The following CNTNAP2 variants were observed in gnomAD, a reference collection of about 807,000 sequenced individuals.
CNTNAP2 encodes the protein contactin-associated protein-like 2.
Under a neutral mutation model 155.2 loss-of-function variants are expected in CNTNAP2, and 98 were observed. The ratio of observed to expected loss-of-function variants is 0.63; its 90% CI spans 0.54 to 0.75. The LOEUF (loss-of-function observed/expected upper bound fraction) is 0.75. Among genes scored for constraint, CNTNAP2 ranks in the 30% least tolerant of loss-of-function variants. The pLI, the probability that CNTNAP2 is intolerant of heterozygous loss-of-function variation, is 0.00. For synonymous variants in CNTNAP2, 651 were observed against 631.2 expected, an observed-to-expected ratio of 1.03 and a Z score of -0.47; for missense variants, 1,727 against 1,688.1, an observed-to-expected ratio of 1.02 and a Z score of -0.40.
chr7:147,770,105 A>G (rs1274698645), intron 13 of CNTNAP2, among the ~76,000 whole-genome samples: 1 of 152,200 alleles, frequency 6.6e-6, no homozygotes, highest in Non-Finnish European at 1.5e-5. Context: ...ATTCTCATTG[A>G]GGTCAAGGTG....
At chr7:147,017,935 C>G (rs1232605844) in intron 3 of CNTNAP2, among the ~76,000 whole-genome samples, 1 of 151,922 alleles carries the variant, frequency 6.6e-6, no homozygotes, top group African/African-American at 2.4e-5. Context: ...TGTAACTGAG[C>G]CATCATTTCT....
chr7:146,509,763 T>A (rs1797439420), intron 1 of CNTNAP2, among the ~76,000 whole-genome samples: 1 of 152,118 alleles, frequency 6.6e-6, no homozygotes, highest in Non-Finnish European at 1.5e-5. Flanking sequence ...TGCTGCATCC[T>A]GCAGGGACTG....
At chr7:148,282,138 A>T (rs1447966340) in intron 21 of CNTNAP2, among the ~76,000 whole-genome samples, 1 of 152,150 alleles carries the variant, frequency 6.6e-6, no homozygotes, top group Non-Finnish European at 1.5e-5. Context: ...CGATATTTTC[A>T]ATATAATATA....
At chr7:147,422,337 G>C (rs1198465887) in intron 10 of CNTNAP2, among the ~76,000 whole-genome samples, 2 of 150,632 alleles carry the variant, frequency 1.3e-5, no homozygotes, top group South Asian at 4.2e-4. Flanking sequence ...GCTCTACCCT[G>C]AATTTATACA....
intron 3 of CNTNAP2, among the ~76,000 whole-genome samples, chr7:146,979,157 T>C (rs1257484588): frequency 6.6e-6 from 1 of 152,174 alleles, no homozygotes; most frequent in Non-Finnish European, 1.5e-5. Context: ...TCTCCTTAAC[T>C]CTTCTGTTCT....
chr7:147,885,102 A>G (rs1246340517), intron 13 of CNTNAP2, among the ~76,000 whole-genome samples: 1 of 152,236 alleles, frequency 6.6e-6, no homozygotes, highest in Non-Finnish European at 1.5e-5. Context: ...TGTTACTTTC[A>G]ATGGTAAAAA....
At chr7:148,096,888 A>G (rs1466839711) in intron 15 of CNTNAP2, among the ~76,000 whole-genome samples, 3 of 152,158 alleles carry the variant, frequency 2.0e-5, no homozygotes, top group Non-Finnish European at 4.4e-5. Context: ...ATCATTAGCC[A>G]ACCTGAGAGA....
chr7:147,053,388 C>T (rs1214534626), intron 4 of CNTNAP2, among the ~76,000 whole-genome samples: 1 of 152,000 alleles, frequency 6.6e-6, no homozygotes, highest in Non-Finnish European at 1.5e-5. Context: ...TTACAATTGA[C>T]TTTGTTCAGT....
chr7:146,939,483 C>A (rs1174546568), intron 3 of CNTNAP2, among the ~76,000 whole-genome samples: 1 of 152,134 alleles, frequency 6.6e-6, no homozygotes, highest in Non-Finnish European at 1.5e-5. Flanking sequence ...TCTGAAATAT[C>A]TTTTCCAGCA....
chr7:146,779,022 G>A (rs1802437431), intron 2 of CNTNAP2, among the ~76,000 whole-genome samples: 3 of 152,198 alleles, frequency 2.0e-5, no homozygotes, highest in African/African-American at 7.2e-5. Context: ...AAACTAGAGA[G>A]AAGAGGAGAG....
At chr7:146,944,883 A>G (rs910435556) in intron 3 of CNTNAP2, among the ~76,000 whole-genome samples, 11 of 151,838 alleles carry the variant, frequency 7.2e-5, no homozygotes, top group East Asian at 1.9e-4. Context: ...GTCTAAAAAA[A>G]AAAAAGAAAA....
intron 4 of CNTNAP2, among the ~76,000 whole-genome samples, chr7:147,065,515 T>C (rs997775841): frequency 1.3e-5 from 2 of 152,116 alleles, no homozygotes; most frequent in Non-Finnish European, 2.9e-5. Context: ...ACATTAGGAG[T>C]GGCTGTAGTT....
At chr7:147,275,875 G>A (rs925309421) in intron 8 of CNTNAP2, among the ~76,000 whole-genome samples, 1 of 151,934 alleles carries the variant, frequency 6.6e-6, no homozygotes, top group Non-Finnish European at 1.5e-5. Flanking sequence ...TTATCATAAA[G>A]GCATGTTGGA....
At chr7:147,389,130 T>C (rs1796668934) in intron 9 of CNTNAP2, among the ~76,000 whole-genome samples, 1 of 152,086 alleles carries the variant, frequency 6.6e-6, no homozygotes, top group Non-Finnish European at 1.5e-5. Context: ...GCTCAATGGG[T>C]TTTTGACTAA....
intron 13 of CNTNAP2, among the ~76,000 whole-genome samples, chr7:147,726,529 A>T (rs1796647383): frequency 6.6e-6 from 1 of 151,948 alleles, no homozygotes; most frequent in Non-Finnish European, 1.5e-5. Flanking sequence ...GGGGGAAGAG[A>T]AGGGGAATCT....
chr7:146,662,211 C>T (rs1459478603), intron 1 of CNTNAP2, among the ~76,000 whole-genome samples: 1 of 152,040 alleles, frequency 6.6e-6, no homozygotes, highest in Non-Finnish European at 1.5e-5. Flanking sequence ...GACCTGGGCT[C>T]ATTGAAACCT....
intron 8 of CNTNAP2, among the ~76,000 whole-genome samples, chr7:147,174,441 C>T (rs1802293941): frequency 6.6e-6 from 1 of 152,152 alleles, no homozygotes; most frequent in African/African-American, 2.4e-5. Flanking sequence ...TTCAATACTA[C>T]TCCATTGCAA....
At chr7:147,118,578 A>C (rs1365090991) in intron 5 of CNTNAP2, among the ~76,000 whole-genome samples, 1 of 151,358 alleles carries the variant, frequency 6.6e-6, no homozygotes, top group African/African-American at 2.4e-5. Flanking sequence ...GAGTTTCAAC[A>C]CTTTGTAAAT....
chr7:148,396,877 T>C (rs1261564937), intron 22 of CNTNAP2, among the ~76,000 whole-genome samples: 1 of 152,228 alleles, frequency 6.6e-6, no homozygotes, highest in African/African-American at 2.4e-5. Context: ...AATAGCCATA[T>C]GAATGTGGGG....
Sources: allele counts gnomAD v4.1 joint callset (sites outside exome capture counted in the v4.1 genomes callset), GRCh38; gene constraint gnomAD v4.1.1; transcripts MANE v1.5; gene names NCBI Gene and HGNC (gene_info 2026-07-23, HGNC 2026-07-21).